RFPL4A: variants seen among roughly 807,000 people sequenced by gnomAD.
The protein encoded by RFPL4A is ret finger protein-like 4A.
RFPL4A carries 4 observed loss-of-function variants against 8.3 expected under a neutral mutation model. The observed-to-expected ratio is 0.48, with a 90% CI of 0.24 to 1.10. The LOEUF (loss-of-function observed/expected upper bound fraction) is 1.10. RFPL4A is among the 50% of genes least tolerant of loss of function. The pLI, the probability that RFPL4A is intolerant of heterozygous loss-of-function variation, is 0.18. For missense variants in RFPL4A, 111 were observed against 358.7 expected (o/e 0.31, Z 5.58); for synonymous variants, 43 against 136.6 (o/e 0.31, Z 4.78).
intron 1 of RFPL4A, among the ~76,000 whole-genome samples, chr19:55,759,627 T>C (rs768408420): frequency 6.6e-6 from 1 of 151,990 alleles, no homozygotes; most frequent in Non-Finnish European, 1.5e-5. Context: ...TTGTTTACAT[T>C]ACTATTGCGG....
chr19:55,761,589 C>T (rs1472634220), intron 1 of RFPL4A, among the ~76,000 whole-genome samples: 1 of 147,882 alleles, frequency 6.8e-6, no homozygotes, highest in Non-Finnish European at 1.5e-5. Flanking sequence ...GCCCTTTATT[C>T]CAATGAGTAT....
At chr19:55,762,308 C>T (rs1989302133) in intron 2 of RFPL4A, among the ~76,000 whole-genome samples, 2 of 150,662 alleles carry the variant, frequency 1.3e-5, no homozygotes, top group African/African-American at 2.5e-5. Context: ...TTTCTTGTAT[C>T]ATATGTGCTA....
intron 1 of RFPL4A, among the ~76,000 whole-genome samples, chr19:55,760,358 TC>T (rs1989257706): frequency 6.6e-6 from 1 of 151,500 alleles, no homozygotes; most frequent in Non-Finnish European, 1.5e-5. Context: ...GAGAACGAAT[TC>T]AGGGATGAGC....
At chr19:55,761,461 C>T (rs1286460978) in intron 1 of RFPL4A, among the ~76,000 whole-genome samples, 1 of 139,016 alleles carries the variant, frequency 7.2e-6, no homozygotes, top group Non-Finnish European at 1.6e-5. Context: ...AGCACATCTC[C>T]ATTCAGATAC....
At chr19:55,757,321 T>G (rs1444708173), upstream of RFPL4A, among the ~76,000 whole-genome samples, 1 of 151,658 alleles carries the variant, frequency 6.6e-6, no homozygotes, top group Non-Finnish European at 1.5e-5. Flanking sequence ...CATCTATACC[T>G]ATGTACCAAA....
intron 1 of RFPL4A, among the ~76,000 whole-genome samples, chr19:55,760,010 G>A (rs574933531): frequency 7.9e-5 from 12 of 151,708 alleles, no homozygotes; most frequent in Non-Finnish European, 1.6e-4. Context: ...GAACCTAAGA[G>A]TGCAGATGTC....
At chr19:55,757,800 TAGAG>T (rs1196252985), upstream of RFPL4A, among the ~76,000 whole-genome samples, 2 of 151,646 alleles carry the variant, frequency 1.3e-5, no homozygotes, top group Non-Finnish European at 2.9e-5. Flanking sequence ...GGGAGACTAT[TAGAG>T]AGGCAAATCA....
At position 55,759,106 on chromosome 19, in the gene RFPL4A, A is replaced by C. The variant is rs971747196; in HGVS notation, c.-79A>C. ...TCTGGTATAAAAGCCCCTGGCAGGC[A>C]GCTCTCACTCCAGATCTGAGCTGTC... On this transcript the variant is annotated 5_prime_UTR_variant, in exon 1 of 3. Transcript: ENST00000434937. 1 of 146,856 alleles carries C rather than the reference A, an allele frequency of 6.8e-6. No individual in the cohort carries two copies. Among genetic ancestry groups the C allele is most frequent in the African/African-American group, 2.5e-5 (1 of 39,598 alleles). The allele number at this position is 146,856 out of a possible 1,614,324, so 9.1% of individuals were successfully genotyped here.
chr19:55,759,864 C>T (rs1026181697), intron 1 of RFPL4A, among the ~76,000 whole-genome samples: 12 of 151,610 alleles, frequency 7.9e-5, no homozygotes, highest in Non-Finnish European at 1.3e-4. Context: ...CGGCCTTCAT[C>T]CACATTGGTG....
Position 55,763,143 on chromosome 19 carries a change from G to A in RFPL4A, c.832G>A (p.Ala278Thr). Residue 278 changes from alanine to threonine, a missense_variant, in exon 3 of 3, where the codon GCC becomes ACC. Coordinates refer to ENST00000434937, the MANE Select transcript of RFPL4A (RefSeq NM_001145014.2). ...CTGTTCTGTGATCAATCCATCCGCT[G>A]CCAGTGCCCCAGTTTCTTCTGAGGG... Reference protein sequence around the residue: ...SICSVINPSAASAPVSSEGK With the variant: ...SICSVINPSATSAPVSSEGK 6.5e-7 allele frequency: 1 copy of A among 1,532,342 alleles called. No individual in the cohort carries two copies. The highest frequency in any genetic ancestry group is 8.7e-7 in the Non-Finnish European group (1 of 1,143,062). 94.9% of individuals were successfully genotyped at this position (1,532,342 alleles called of 1,614,324 possible).
upstream of RFPL4A, among the ~76,000 whole-genome samples, chr19:55,757,400 T>C (rs913069543): frequency 2.0e-5 from 3 of 151,916 alleles, no homozygotes; most frequent in African/African-American, 7.3e-5. Flanking sequence ...AGTTTGCTTG[T>C]ACAGTGAACA....
chr19:55,760,737 A>G (rs1989264590), intron 1 of RFPL4A, among the ~76,000 whole-genome samples: 1 of 151,564 alleles, frequency 6.6e-6, no homozygotes, highest in Non-Finnish European at 1.5e-5. Context: ...TTGTCCTTGT[A>G]ATTTTAATGA....
At chr19:55,760,805 C>T (rs1989265960) in intron 1 of RFPL4A, among the ~76,000 whole-genome samples, 1 of 151,448 alleles carries the variant, frequency 6.6e-6, no homozygotes, top group Admixed American at 6.6e-5. Context: ...TCACTGGATA[C>T]GTTCTCGATT....
In RFPL4A at chr19:55,761,810, C is replaced by G; in HGVS notation, c.10C>G (p.His4Asp). 1 of 1,429,536 alleles carries G rather than the reference C, an allele frequency of 7.0e-7. No homozygotes were observed. Among genetic ancestry groups the G allele is most frequent in the Non-Finnish European group, 9.5e-7 (1 of 1,047,362 alleles). The allele number at this position is 1,429,536 out of a possible 1,614,324, so 88.6% of individuals were successfully genotyped here. The change falls in exon 2 of 3, where the codon CAC (histidine) becomes GAC (aspartate). Residue 4 changes from histidine to aspartate, a missense_variant. His to Asp is a moderately conservative substitution (Grantham distance 81). Coordinates refer to ENST00000434937, the MANE Select transcript of RFPL4A (RefSeq NM_001145014.2). MAE[H>D]FKQIIRCPVC... is the part of the protein sequence containing the mutation. ...TCTATAGACATTTGCCATGGCTGAG[C>G]ACTTCAAACAGATCATTAGATGTCC...
In RFPL4A at chr19:55,761,828, A is replaced by G. The variant is rs1416791736; in HGVS notation, c.28A>G (p.Arg10Gly). 1.4e-6 allele frequency: 2 copies of G among 1,460,600 alleles called. No individual in the cohort carries two copies. The highest frequency in any genetic ancestry group is 4.9e-5 in the East Asian group (2 of 40,598). The allele number at this position is 1,460,600 out of a possible 1,614,324, so 90.5% of individuals were successfully genotyped here. A position where few individuals can be genotyped will look rare whatever the true frequency, so the allele number is the denominator to read the frequency against. Residue 10 changes from arginine (R) to glycine (G), a missense_variant, in exon 2 of 3, where the codon AGA becomes GGA. Coordinates refer to ENST00000434937, the MANE Select transcript of RFPL4A (RefSeq NM_001145014.2). MAEHFKQII[R>G]CPVCLKDLEE... is the part of the protein sequence containing the mutation. Reference sequence around the variant, plus strand: ...GGCTGAGCACTTCAAACAGATCATTAGATGTCCTGTCTGTCTAAAAGATCT... The same window carrying G: ...GGCTGAGCACTTCAAACAGATCATTGGATGTCCTGTCTGTCTAAAAGATCT...
upstream of RFPL4A, among the ~76,000 whole-genome samples, chr19:55,757,424 G>A (rs1040138526): frequency 3.4e-4 from 52 of 152,138 alleles, no homozygotes; most frequent in African/African-American, 1.2e-3. Flanking sequence ...CCTGGGGATC[G>A]GAAGCCACCG....
upstream of RFPL4A, among the ~76,000 whole-genome samples, chr19:55,758,562 A>G (rs1190582133): frequency 6.6e-6 from 1 of 151,434 alleles, no homozygotes; most frequent in Non-Finnish European, 1.5e-5. Context: ...ACTACAAAGA[A>G]AAACGGACTT....
intron 1 of RFPL4A, 78 bp from the exon 2 acceptor site, chr19:55,761,714 A>G: frequency 2.1e-6 from 3 of 1,458,020 alleles, no homozygotes; most frequent in Non-Finnish European, 1.9e-6. Context: ...ATGCATGTAA[A>G]GATAAAAGCC....
intron 1 of RFPL4A, among the ~76,000 whole-genome samples, chr19:55,760,114 T>A (rs1989252524): frequency 6.6e-6 from 1 of 151,674 alleles, no homozygotes; most frequent in Non-Finnish European, 1.5e-5. Context: ...TTCAGAAACC[T>A]CCCTACTATT....
Sources: allele counts gnomAD v4.1 joint callset (sites outside exome capture counted in the v4.1 genomes callset), GRCh38; gene constraint gnomAD v4.1.1; transcripts MANE v1.5; gene names NCBI Gene and HGNC (gene_info 2026-07-23, HGNC 2026-07-21).